The following MEGF6 variants were observed in gnomAD, a reference collection of about 807,000 sequenced individuals.
The protein encoded by MEGF6 is multiple EGF like domains 6, also known as multiple epidermal growth factor-like domains protein 6.
A neutral mutation model predicts 207.1 loss-of-function variants in MEGF6; 184 were observed. That is an observed-to-expected ratio of 0.89 (90% CI 0.79 to 1.00). MEGF6 has a LOEUF of 1.00. Among genes scored for constraint, MEGF6 ranks in the 50% least tolerant of loss-of-function variants. The pLI, the probability that MEGF6 is intolerant of heterozygous loss-of-function variation, is 0.00. For missense variants in MEGF6, 2,282 were observed against 2,202.9 expected (o/e 1.04, Z -0.72); for synonymous variants, 1,038 against 910.0 (o/e 1.14, Z -2.53).
chr1:3,580,753 T>G (rs567667863), intron 3 of MEGF6, among the ~76,000 whole-genome samples: 105 of 132,420 alleles, frequency 7.9e-4, no homozygotes, highest in African/African-American at 2.7e-3. Context: ...CAGGGTGGGA[T>G]GGCAGGGCCA....
chr1:3,537,413 T>C (rs1416535793), intron 4 of MEGF6, among the ~76,000 whole-genome samples: 2 of 152,240 alleles, frequency 1.3e-5, no homozygotes, highest in Non-Finnish European at 2.9e-5. Context: ...GGTGGCCATG[T>C]TGCAGGGAGA....
intron 11 of MEGF6, 24 bp from the exon 12 acceptor site, chr1:3,509,269 T>G: frequency 7.1e-7 from 1 of 1,417,948 alleles, no homozygotes. Flanking sequence ...AGAGGCGCCT[T>G]AGCCCCTGCC....
chr1:3,590,124 G>T (rs1287924180), intron 3 of MEGF6, among the ~76,000 whole-genome samples: 1 of 152,220 alleles, frequency 6.6e-6, no homozygotes, highest in Admixed American at 6.5e-5. Context: ...GCGGGGTACA[G>T]GGGGCTGCAG....
At chr1:3,566,317 A>AG (rs756269662) in intron 4 of MEGF6, among the ~76,000 whole-genome samples, 1 of 152,208 alleles carries the variant, frequency 6.6e-6, no homozygotes, top group Non-Finnish European at 1.5e-5. Context: ...CTCCATGGGA[A>AG]GGGGGGCATG....
chr1:3,554,444 A>G (rs1222896303), intron 4 of MEGF6, among the ~76,000 whole-genome samples: 1 of 152,004 alleles, frequency 6.6e-6, no homozygotes, highest in Non-Finnish European at 1.5e-5. Flanking sequence ...CTGGGGGAAG[A>G]GGGGCAGGTA....
intron 30 of MEGF6, 130 bp from the exon 31 acceptor site, chr1:3,494,871 G>T: frequency 7.4e-7 from 1 of 1,355,710 alleles, no homozygotes; most frequent in Non-Finnish European, 9.7e-7. Context: ...GTCTCTGCCT[G>T]CTGGGCGGGC....
At chr1:3,620,464 C>A in the MEGF6 span, among the ~76,000 whole-genome samples, 1 of 152,212 alleles carries the variant, frequency 6.6e-6, no homozygotes, top group Non-Finnish European at 1.5e-5. Flanking sequence ...CGTAGGTGTG[C>A]AGAAGACAAG....
At chr1:3,555,060 G>A (rs966373802) in intron 4 of MEGF6, among the ~76,000 whole-genome samples, 2 of 152,166 alleles carry the variant, frequency 1.3e-5, no homozygotes, top group African/African-American at 4.8e-5. Flanking sequence ...CTTGTCCAGG[G>A]CAATGGGAGA....
intron 4 of MEGF6, among the ~76,000 whole-genome samples, chr1:3,536,352 C>T (rs1036388714): frequency 1.6e-4 from 24 of 152,262 alleles, no homozygotes; most frequent in Non-Finnish European, 2.8e-4. Flanking sequence ...ACGGGGGCAT[C>T]GCCCCACCCA....
chr1:3,560,786 TC>T lies in MEGF6; in HGVS notation c.481+19038del. The T allele has an allele frequency of 2.1e-6, 1 of 472,862 alleles. No individual in the cohort carries two copies. Among genetic ancestry groups the T allele is most frequent in the Admixed American group, 2.3e-5 (1 of 43,334 alleles). 29.3% of individuals were successfully genotyped at this position (472,862 alleles called of 1,614,324 possible). A position where few individuals can be genotyped will look rare whatever the true frequency, so the allele number is the denominator to read the frequency against. ...CTGGATTTCCAGGGTCACCCGGCAG[TC>T]CCCTCTGGCAGCCACCGGAGCAGCC... On this transcript the variant is annotated intron_variant, in intron 4 of 36. Transcript: ENST00000356575. The surrounding 1 kb of genome is among the most constrained non-coding windows in gnomAD (Gnocchi z 4.0).
Position 3,491,020 on chromosome 1 carries a change from GGCA to G in MEGF6, c.4517-64_4517-62del. On this transcript the variant is annotated intron_variant, in intron 35 of 36. Transcript: ENST00000356575. ...CCAGCCTTGAGTGAGCCACAGTAATGGCAGCAAGGCGTGACCCCATCCAGGCCT... is the reference window on the plus strand; with the variant it reads ...CCAGCCTTGAGTGAGCCACAGTAATGGCAAGGCGTGACCCCATCCAGGCCT... 8 of 1,488,596 alleles carry G rather than the reference GGCA, an allele frequency of 5.4e-6. 1 individual carries two copies. The South Asian group carries it at 1.1e-4, about 20-fold the overall frequency. 92.2% of individuals were successfully genotyped at this position (1,488,596 alleles called of 1,614,324 possible).
chr1:3,541,629 G>A (rs957869701), intron 4 of MEGF6, among the ~76,000 whole-genome samples: 4 of 152,208 alleles, frequency 2.6e-5, no homozygotes, highest in African/African-American at 4.8e-5. Flanking sequence ...GCCGGTCAGC[G>A]CCCAGGCTTC....
chr1:3,513,516 G>T (rs1008744218), intron 7 of MEGF6, among the ~76,000 whole-genome samples: 63 of 146,872 alleles, frequency 4.3e-4, no homozygotes, highest in African/African-American at 1.6e-3. Context: ...AAACTCAAGT[G>T]ATCTGCCCAC....
intron 8 of MEGF6, 113 bp from the exon 9 acceptor site, chr1:3,511,800 G>A (rs1248832596): frequency 1.3e-6 from 2 of 1,494,950 alleles, no homozygotes; most frequent in African/African-American, 1.4e-5. Context: ...GGACACCCGT[G>A]GGAAGCAGCA....
At chr1:3,595,544 G>A in intron 2 of MEGF6, 97 bp from the exon 3 acceptor site, 1 of 1,040,226 alleles carries the variant, frequency 9.6e-7, no homozygotes, top group Non-Finnish European at 1.5e-6. Context: ...GCGTCAGCCG[G>A]GTTCCCGGCG....
At chr1:3,580,433 A>G (rs557414307) in intron 3 of MEGF6, among the ~76,000 whole-genome samples, 1 of 152,276 alleles carries the variant, frequency 6.6e-6, no homozygotes, top group East Asian at 1.9e-4. Context: ...GGGAGGAGGA[A>G]AGGTCCCGGC....
intron 4 of MEGF6, 72 bp from the exon 5 acceptor site, chr1:3,524,318 G>A (rs1641879810): frequency 6.4e-7 from 1 of 1,566,874 alleles, no homozygotes; most frequent in African/African-American, 1.3e-5. Context: ...AGCCCCCCAG[G>A]TGCCGGGGGC....
intron 3 of MEGF6, among the ~76,000 whole-genome samples, chr1:3,582,586 C>T (rs10909976): frequency 0.21 from 32,519 of 152,032 alleles, 3,854 homozygotes; most frequent in East Asian, 0.37. Context: ...TAGAATACAA[C>T]TCAGATCTTG....
intron 3 of MEGF6, among the ~76,000 whole-genome samples, chr1:3,591,224 G>C (rs1282194799): frequency 1.3e-5 from 2 of 152,236 alleles, no homozygotes; most frequent in Non-Finnish European, 2.9e-5. Flanking sequence ...GAAACGCTCG[G>C]CTAACCCAGG....
Sources: gnomAD v4.1 joint callset for allele counts (sites outside exome capture counted in the v4.1 genomes callset) on GRCh38, gnomAD v4.1.1 for gene constraint, Gnocchi (gnomAD v3.1) non-coding constraint, MANE v1.5 for transcripts, NCBI Gene and HGNC (gene_info 2026-07-23, HGNC 2026-07-21) for gene names.